SAMD5: variants seen among roughly 807,000 people sequenced by gnomAD.
The protein encoded by SAMD5 is sterile alpha motif domain-containing protein 5.
In SAMD5, 13 loss-of-function variants were observed where a neutral mutation model predicts 11.3. The observed-to-expected ratio is 1.15, with a 90% CI of 0.75 to 1.83. The LOEUF is 1.83. Among genes scored for constraint, SAMD5 ranks in the 40% most tolerant of loss-of-function variants. The pLI, the probability that SAMD5 is intolerant of heterozygous loss-of-function variation, is 0.00. For missense variants in SAMD5, 255 were observed against 239.1 expected (o/e 1.07, Z -0.44); for synonymous variants, 129 against 111.3 (o/e 1.16, Z -1.00).
intron 1 of SAMD5, among the ~76,000 whole-genome samples, chr6:147,654,640 T>C (rs528165886): frequency 3.3e-4 from 50 of 152,258 alleles, no homozygotes; most frequent in Admixed American, 4.6e-4. Context: ...CTGCTGCCGC[T>C]GCTGCTGCTA....
chr6:147,878,252 T>A, the SAMD5 span, among the ~76,000 whole-genome samples: 4 of 152,038 alleles, frequency 2.6e-5, no homozygotes, highest in African/African-American at 9.7e-5. Flanking sequence ...TCCTGATTCA[T>A]AGATAGCCAT....
At chr6:147,768,874 A>G in the SAMD5 span, among the ~76,000 whole-genome samples, 29 of 152,040 alleles carry the variant, frequency 1.9e-4, no homozygotes, top group Non-Finnish European at 2.9e-5. Context: ...GCTCACTGCA[A>G]CCTCCGCCTC....
the SAMD5 span, among the ~76,000 whole-genome samples, chr6:147,918,858 C>G: frequency 8.3e-4 from 126 of 152,102 alleles, 2 homozygotes; most frequent in South Asian, 1.9e-3. Context: ...GCACGTGCCA[C>G]CACACTCAGC....
At chr6:147,790,816 CTCTCTCTCTCTT>C in the SAMD5 span, among the ~76,000 whole-genome samples, 2 of 115,934 alleles carry the variant, frequency 1.7e-5, no homozygotes, top group African/African-American at 3.4e-5. Flanking sequence ...CTCTCTCTCT[CTCTCTCTCTCTT>C]CTCTGTCTCC....
the SAMD5 span, among the ~76,000 whole-genome samples, chr6:147,798,246 C>T: frequency 6.7e-6 from 1 of 148,808 alleles, no homozygotes. Context: ...TGAATGTGTC[C>T]CAGAGATTCT....
chr6:147,813,929 A>G, the SAMD5 span, among the ~76,000 whole-genome samples: 14 of 152,158 alleles, frequency 9.2e-5, no homozygotes, highest in Non-Finnish European at 2.9e-5. Context: ...TTAAATTACC[A>G]TTTCCTTATT....
At chr6:147,606,574 A>T (rs1789705225) in intron 1 of SAMD5, among the ~76,000 whole-genome samples, 1 of 150,230 alleles carries the variant, frequency 6.7e-6, no homozygotes, top group South Asian at 2.1e-4. Context: ...CAGCTAACTT[A>T]AAAAAAAAGA....
chr6:147,771,434 G>C, the SAMD5 span, among the ~76,000 whole-genome samples: 1 of 152,142 alleles, frequency 6.6e-6, no homozygotes, highest in Admixed American at 6.5e-5. Context: ...TTATAAAAAG[G>C]AATGAAGGCC....
intron 1 of SAMD5, among the ~76,000 whole-genome samples, chr6:147,642,772 C>T (rs1216331184): frequency 1.3e-5 from 2 of 152,102 alleles, no homozygotes; most frequent in African/African-American, 4.8e-5. Flanking sequence ...GCTTCAAAAC[C>T]ACAAAACTCA....
chr6:147,867,410 C>A, the SAMD5 span, among the ~76,000 whole-genome samples: 18 of 150,288 alleles, frequency 1.2e-4, no homozygotes, highest in East Asian at 2.2e-3. Flanking sequence ...TCCTGTGAAA[C>A]CTTGGTGGAA....
chr6:147,589,270 T>C (rs552713878), intron 1 of SAMD5, among the ~76,000 whole-genome samples: 83 of 152,310 alleles, frequency 5.4e-4, no homozygotes, highest in African/African-American at 1.9e-3. Context: ...GGCATTATTA[T>C]TTTAACAATG....
the SAMD5 span, among the ~76,000 whole-genome samples, chr6:147,755,879 A>G: frequency 6.6e-6 from 1 of 152,156 alleles, no homozygotes; most frequent in Non-Finnish European, 1.5e-5. Flanking sequence ...AATATATGTT[A>G]AGTTACTGAC....
At chr6:147,795,236 C>T in the SAMD5 span, among the ~76,000 whole-genome samples, 1 of 128,136 alleles carries the variant, frequency 7.8e-6, no homozygotes, top group Admixed American at 8.6e-5. Flanking sequence ...CCACAACAGT[C>T]CCCAGAGTGT....
chr6:147,667,699 A>G (rs1260977196), intron 1 of SAMD5, among the ~76,000 whole-genome samples: 1 of 152,204 alleles, frequency 6.6e-6, no homozygotes, highest in African/African-American at 2.4e-5. Flanking sequence ...ATCATGCAGA[A>G]TACAGTTGGG....
At chr6:147,874,952 G>T in the SAMD5 span, among the ~76,000 whole-genome samples, 1 of 152,076 alleles carries the variant, frequency 6.6e-6, no homozygotes, top group African/African-American at 2.4e-5. Context: ...ACTTCACTCA[G>T]AGAAAATGCC....
intron 1 of SAMD5, among the ~76,000 whole-genome samples, chr6:147,586,290 G>C (rs1254553739): frequency 3.3e-5 from 5 of 152,100 alleles, no homozygotes; most frequent in Non-Finnish European, 7.3e-5. Context: ...ATTTGTCAGG[G>C]TGTGTGTATT....
chr6:147,877,895 C>A, the SAMD5 span, among the ~76,000 whole-genome samples: 181 of 59,842 alleles, frequency 3.0e-3, no homozygotes, highest in Middle Eastern at 8.8e-3. Flanking sequence ...AGATAGATAG[C>A]TAGATAGATA....
At chr6:147,953,692 A>G in the SAMD5 span, 1 of 152,196 alleles carries the variant, frequency 6.6e-6, no homozygotes, top group Admixed American at 6.5e-5. Flanking sequence ...TGTTGTAGGT[A>G]AGCTTGTTAT....
At chr6:147,747,667 C>T in the SAMD5 span, among the ~76,000 whole-genome samples, 1,103 of 152,104 alleles carry the variant, frequency 7.3e-3, 9 homozygotes, top group African/African-American at 0.025. Flanking sequence ...CGCGCTACCA[C>T]GCCCGGCTAA....
Sources: gnomAD v4.1 joint callset for allele counts (sites outside exome capture counted in the v4.1 genomes callset) on GRCh38, gnomAD v4.1.1 for gene constraint, MANE v1.5 for transcripts, NCBI Gene and HGNC (gene_info 2026-07-23, HGNC 2026-07-21) for gene names.